FBN1: variants seen among roughly 807,000 people sequenced by gnomAD.
FBN1 encodes fibrillin-1.
FBN1 carries 29 observed loss-of-function variants against 365.1 expected under a neutral mutation model. That is an observed-to-expected ratio of 0.08 (90% CI 0.06 to 0.11). The LOEUF (loss-of-function observed/expected upper bound fraction) is 0.11. FBN1 is among the 10% of genes least tolerant of loss of function. The probability of loss-of-function intolerance (pLI) is 1.00; values close to 1 mark genes in which losing one functional copy is unlikely to be tolerated. For missense variants in FBN1, 2,476 were observed against 3,703.2 expected (o/e 0.67, Z 8.60); for synonymous variants, 1,210 against 1,270.5 (o/e 0.95, Z 1.01).
At chr15:48,523,422 T>C (rs1179808329) in intron 9 of FBN1, among the ~76,000 whole-genome samples, 2 of 152,202 alleles carry the variant, frequency 1.3e-5, no homozygotes, top group Non-Finnish European at 2.9e-5. Context: ...TGGTGAATGT[T>C]GGGGGTAAAA....
At chr15:48,621,871 G>C (rs371712107) in intron 2 of FBN1, among the ~76,000 whole-genome samples, 1 of 151,480 alleles carries the variant, frequency 6.6e-6, no homozygotes, top group Non-Finnish European at 1.5e-5. Context: ...GGTGGCGGGC[G>C]CCTGTAGTCC....
At chr15:48,591,803 T>G (rs1394585793) in intron 6 of FBN1, among the ~76,000 whole-genome samples, 1 of 151,510 alleles carries the variant, frequency 6.6e-6, no homozygotes, top group Non-Finnish European at 1.5e-5. Context: ...CCCTTTCCAG[T>G]GAGGTCTTTA....
chr15:48,536,163 C>A (rs1347876207), intron 7 of FBN1, among the ~76,000 whole-genome samples: 4 of 152,194 alleles, frequency 2.6e-5, no homozygotes, highest in African/African-American at 9.7e-5. Context: ...AAGAATTTCA[C>A]TCTCAAAATA....
intron 32 of FBN1, among the ~76,000 whole-genome samples, chr15:48,478,625 A>G (rs1423806744): frequency 6.6e-6 from 1 of 152,188 alleles, no homozygotes; most frequent in African/African-American, 2.4e-5. Flanking sequence ...ATTGGGTCAT[A>G]GAAAAATTGT....
intron 6 of FBN1, among the ~76,000 whole-genome samples, chr15:48,542,832 T>TGTGTGTGTG (rs1491435027): frequency 4.7e-5 from 7 of 147,794 alleles, no homozygotes; most frequent in Non-Finnish European, 6.0e-5. Flanking sequence ...TGTGTGTGTA[T>TGTGTGTGTG]TTTTTTTCCT....
chr15:48,488,961 T>C (rs1488467713), intron 25 of FBN1, among the ~76,000 whole-genome samples: 3 of 152,288 alleles, frequency 2.0e-5, no homozygotes, highest in South Asian at 2.1e-4. Context: ...ATTTCAAAGA[T>C]ATAATTTATA....
rs758474912 is a variant in FBN1, at chr15:48,428,333, C to T, written c.6997+13G>A. On this transcript the variant is annotated intron_variant, in intron 57 of 65. Coordinates refer to ENST00000316623, the MANE Select transcript of FBN1 (RefSeq NM_000138.5). The stretch of plus-strand genomic sequence containing the variant: ...GGCTGAGGTTAGGAAAGTGCGGTGC[C>T]AACTGTACTCACCAAGGCACTCGTC... The T allele has an allele frequency of 6.2e-7, 1 of 1,613,996 alleles. No individual in the cohort carries two copies. Among genetic ancestry groups the T allele is most frequent in the Admixed American group, 1.7e-5 (1 of 60,024 alleles).
rs572235795 is a variant in FBN1 at position 48,412,756 on chromosome 15, G to A, written c.8052-13C>T. ...AGAAACACAGTGCCTGCAGCAGAAGGGGAGCATAGATGTTTTTCATTAGAA... is the reference window on the plus strand; with the variant it reads ...AGAAACACAGTGCCTGCAGCAGAAGAGGAGCATAGATGTTTTTCATTAGAA... On this transcript the variant is annotated splice_polypyrimidine_tract_variant and intron_variant, in intron 64 of 65. Coordinates refer to ENST00000316623, the MANE Select transcript of FBN1 (RefSeq NM_000138.5). 3.7e-6 allele frequency: 6 copies of A among 1,613,986 alleles called. No individual in the cohort carries two copies. The South Asian group carries it at 6.6e-5, about 18-fold the overall frequency.
chr15:48,467,923 A>C lies in FBN1; in HGVS notation c.4747+15T>G. On this transcript the variant is annotated intron_variant, in intron 38 of 65. Coordinates refer to ENST00000316623, the MANE Select transcript of FBN1 (RefSeq NM_000138.5). Reference sequence around the variant, plus strand: ...TGGAGTTGAAATAATAATAAATAGGAGGATGTCCACTTACATGTGTTCACA... The same window carrying C: ...TGGAGTTGAAATAATAATAAATAGGCGGATGTCCACTTACATGTGTTCACA... 1 of 1,607,662 alleles carries C rather than the reference A, an allele frequency of 6.2e-7. No homozygotes were observed.
At chr15:48,600,091 C>T (rs1170720956) in intron 5 of FBN1, 48 bp downstream of exon 5, 3 of 1,342,218 alleles carry the variant, frequency 2.2e-6, no homozygotes, top group Admixed American at 1.7e-5. Context: ...TTCTACTTGT[C>T]TACAAACAGG....
At chr15:48,469,265 T>C (rs916525265) in intron 36 of FBN1, among the ~76,000 whole-genome samples, 2 of 151,344 alleles carry the variant, frequency 1.3e-5, no homozygotes, top group Non-Finnish European at 2.9e-5. Context: ...ATATTGAGTA[T>C]ATGTGGCTTG....
At chr15:48,642,060 A>C (rs1424256088) in intron 2 of FBN1, 1 of 152,202 alleles carries the variant, frequency 6.6e-6, no homozygotes, top group Non-Finnish European at 1.5e-5. Flanking sequence ...TCACTAGGGA[A>C]CTGTTCCAGT....
intron 64 of FBN1, among the ~76,000 whole-genome samples, chr15:48,415,268 A>C (rs1047030654): frequency 6.6e-6 from 1 of 152,186 alleles, no homozygotes; most frequent in Non-Finnish European, 1.5e-5. Flanking sequence ...TCCCAACAAG[A>C]TGTGAAGATC....
chr15:48,528,201 C>T (rs1457633840), intron 8 of FBN1, among the ~76,000 whole-genome samples: 1 of 152,256 alleles, frequency 6.6e-6, no homozygotes, highest in Non-Finnish European at 1.5e-5. Flanking sequence ...ATTAAGGCCA[C>T]TTAGCGTACA....
chr15:48,601,901 T>G (rs2044570625), intron 4 of FBN1, among the ~76,000 whole-genome samples: 1 of 152,196 alleles, frequency 6.6e-6, no homozygotes, highest in Non-Finnish European at 1.5e-5. Flanking sequence ...TCTCTCCACA[T>G]TCACGGTCCC....
At chr15:48,492,431 T>G (rs370122986) in intron 24 of FBN1, 30 bp downstream of exon 24, 1 of 1,604,394 alleles carries the variant, frequency 6.2e-7, no homozygotes, top group Non-Finnish European at 8.5e-7. Flanking sequence ...AATAAATTAT[T>G]ATTAGAAAAA....
At chr15:48,591,812 T>TA (rs1221840147) in intron 6 of FBN1, among the ~76,000 whole-genome samples, 6 of 151,914 alleles carry the variant, frequency 3.9e-5, no homozygotes, top group Non-Finnish European at 8.8e-5. Flanking sequence ...GTGAGGTCTT[T>TA]AGAGTTACGA....
intron 2 of FBN1, among the ~76,000 whole-genome samples, chr15:48,639,518 G>C (rs1890162586): frequency 6.6e-6 from 1 of 152,138 alleles, no homozygotes; most frequent in Non-Finnish European, 1.5e-5. Flanking sequence ...ATATGTCTCT[G>C]GCCTTCCACA....
chr15:48,488,515 G>A (rs1226290260), intron 25 of FBN1, 22 bp from the exon 26 acceptor site: 3 of 1,610,658 alleles, frequency 1.9e-6, no homozygotes, highest in East Asian at 2.2e-5. Context: ...AGAAAATGTG[G>A]GGCAAAATAA....
Sources: allele counts gnomAD v4.1 joint callset (sites outside exome capture counted in the v4.1 genomes callset), GRCh38; gene constraint gnomAD v4.1.1; transcripts MANE v1.5; gene names NCBI Gene and HGNC (gene_info 2026-07-23, HGNC 2026-07-21).